CHFR: variants seen among roughly 807,000 people sequenced by gnomAD.
The protein encoded by CHFR is E3 ubiquitin-protein ligase CHFR.
In CHFR, 57 loss-of-function variants were observed where a neutral mutation model predicts 87.6. The ratio of observed to expected loss-of-function variants is 0.65; its 90% CI spans 0.53 to 0.81. CHFR has a LOEUF of 0.81. Among genes scored for constraint, CHFR ranks in the 30% least tolerant of loss-of-function variants. The probability of loss-of-function intolerance (pLI) is 0.00; values close to 1 mark genes in which losing one functional copy is unlikely to be tolerated. For synonymous variants in CHFR, 381 were observed against 359.2 expected, an observed-to-expected ratio of 1.06 and a Z score of -0.69; for missense variants, 797 against 865.8, an observed-to-expected ratio of 0.92 and a Z score of 1.00.
intron 11 of CHFR, 112 bp from the exon 12 acceptor site, chr12:132,851,849 G>C (rs1054380635): frequency 1.5e-6 from 2 of 1,319,408 alleles, no homozygotes; most frequent in African/African-American, 3.0e-5. Flanking sequence ...AGACAGCCGG[G>C]GAAGAAGCAG....
In CHFR at chr12:132,836,656, C is replaced by A. The variant is rs1950648934; in HGVS notation, c.*4898G>T. 2.2e-6 allele frequency: 1 copy of A among 456,004 alleles called. No individual in the cohort carries two copies. Among genetic ancestry groups the A allele is most frequent in the South Asian group, 1.5e-5 (1 of 64,574 alleles). 28.2% of individuals were successfully genotyped at this position (456,004 alleles called of 1,614,324 possible). A position where few individuals can be genotyped will look rare whatever the true frequency, so the allele number is the denominator to read the frequency against. ...CATTCCTTCCACAGACATGCACGAC[C>A]AAGTGTCTGCTCTGTGTGAGGAACT... is the stretch of plus-strand genomic sequence containing the variant. On this transcript the variant is annotated 3_prime_UTR_variant, in exon 18 of 18. Coordinates refer to ENST00000450056, the MANE Select transcript of CHFR (RefSeq NM_001161346.2).
At chr12:132,876,317 A>G (rs1378421987) in intron 3 of CHFR, among the ~76,000 whole-genome samples, 1 of 152,232 alleles carries the variant, frequency 6.6e-6, no homozygotes, top group African/African-American at 2.4e-5. Context: ...TCCAAGTTGA[A>G]TATCCCTAAG....
chr12:132,863,974 G>A lies in CHFR; in HGVS notation c.584-2340C>T, dbSNP rs565226297. Among the ~76,000 whole-genome samples the A allele has an allele frequency of 3.0e-4, 45 of 152,162 alleles. 1 individual carries two copies. The highest frequency in any genetic ancestry group is 2.1e-3 in the Admixed American group (32 of 15,284). ...AGACAGGGTCTTGCCATTTTACCCA[G>A]GCTGGTCTCAAACTCTTGAGCCCAA... On this transcript the variant is annotated intron_variant, in intron 6 of 17. Transcript: ENST00000450056.
rs774495646 is a variant in CHFR, at chr12:132,836,922, ATTTT to A, written c.*4628_*4631del. 95 of 370,038 alleles carry A rather than the reference ATTTT, an allele frequency of 2.6e-4. No individual in the cohort carries two copies. Among genetic ancestry groups the A allele is most frequent in the Non-Finnish European group, 2.7e-4 (50 of 187,302 alleles). The allele number at this position is 370,038 out of a possible 1,614,324, so 22.9% of individuals were successfully genotyped here. Reference sequence around the variant, plus strand: ...GGCAGACAGGCAAGATCCCTGCTCTATTTTTTTGAGAGGGGGAGACAAACGGTAA... The same window carrying A: ...GGCAGACAGGCAAGATCCCTGCTCTATTTGAGAGGGGGAGACAAACGGTAA... On this transcript the variant is annotated 3_prime_UTR_variant, in exon 18 of 18. Transcript: ENST00000450056.
At chr12:132,844,886 G>A (rs941618916) in intron 15 of CHFR, among the ~76,000 whole-genome samples, 3 of 151,874 alleles carry the variant, frequency 2.0e-5, no homozygotes, top group Non-Finnish European at 4.4e-5. Context: ...GCCCGCCTCG[G>A]CTTCCCAAAA....
chr12:132,843,131 CCACT>C, intron 16 of CHFR, 48 bp from the exon 17 acceptor site: 1 of 1,538,284 alleles, frequency 6.5e-7, no homozygotes, highest in Non-Finnish European at 8.9e-7. Flanking sequence ...TTGCACGCAC[CCACT>C]CAGCTACCTG....
intron 3 of CHFR, among the ~76,000 whole-genome samples, chr12:132,873,689 T>C (rs957359538): frequency 2.0e-4 from 30 of 149,572 alleles, no homozygotes; most frequent in African/African-American, 7.1e-4. Flanking sequence ...GCGCTGGAGC[T>C]GGACTGACTT....
Position 132,859,247 on chromosome 12 carries a change from G to A in CHFR, c.752-20C>T, listed in dbSNP as rs1422260236. 12 of 1,603,270 alleles carry A rather than the reference G, an allele frequency of 7.5e-6. No individual in the cohort carries two copies. Among genetic ancestry groups the A allele is most frequent in the Non-Finnish European group, 1.0e-5 (12 of 1,173,602 alleles). On this transcript the variant is annotated intron_variant, in intron 7 of 17. Transcript: ENST00000450056. ...CCCCATCTACAGGAGAAAGGGATGT[G>A]TTCTGTCGTAACCAAGAAGGAAATA...
At chr12:132,843,174 C>G in intron 16 of CHFR, 91 bp from the exon 17 acceptor site, 6 of 1,186,618 alleles carry the variant, frequency 5.1e-6, no homozygotes, top group Non-Finnish European at 7.4e-6. Context: ...ACGACAGACG[C>G]TGCGGTGGAA....
At chr12:132,869,987 T>A (rs1951447448) in intron 5 of CHFR, among the ~76,000 whole-genome samples, 189 bp from the exon 6 acceptor site, 1 of 152,064 alleles carries the variant, frequency 6.6e-6, no homozygotes, top group Admixed American at 6.6e-5. Context: ...GGCAGGTGTA[T>A]CTCCTGAGGT....
At chr12:132,857,027 G>GA (rs2136964389) in intron 9 of CHFR, among the ~76,000 whole-genome samples, 2 of 96,262 alleles carry the variant, frequency 2.1e-5, no homozygotes, top group South Asian at 3.9e-4. Flanking sequence ...CTGGGTGCTG[G>GA]TGGAGGGACC....
chr12:132,846,635 C>T (rs921388558), intron 15 of CHFR, among the ~76,000 whole-genome samples: 7 of 152,116 alleles, frequency 4.6e-5, no homozygotes, highest in African/African-American at 1.7e-4. Context: ...AATTCCAGCA[C>T]TTTGGGAAGC....
chr12:132,861,729 G>A (rs1951214482), intron 6 of CHFR, 95 bp from the exon 7 acceptor site: 2 of 1,175,420 alleles, frequency 1.7e-6, no homozygotes, highest in African/African-American at 3.1e-5. Context: ...CAGTGCAGCT[G>A]GCAGCCTGAG....
At chr12:132,881,624 T>C (rs960530867) in intron 2 of CHFR, among the ~76,000 whole-genome samples, 1 of 152,078 alleles carries the variant, frequency 6.6e-6, no homozygotes, top group African/African-American at 2.4e-5. Flanking sequence ...TCCCAGCACT[T>C]TGGGAGGCCG....
chr12:132,838,853 G>A lies in CHFR; in HGVS notation c.*2701C>T, dbSNP rs1371218105. ...TAAAACACAGCTCCTTACCACACCC[G>A]AGGAGTAACTGCCCTGATCTCCCTG... is the stretch of plus-strand genomic sequence containing the variant. On this transcript the variant is annotated 3_prime_UTR_variant, in exon 18 of 18. Transcript: ENST00000450056. 6.6e-6 allele frequency: 1 copy of A among 152,396 alleles called. No individual in the cohort carries two copies. The highest frequency in any genetic ancestry group is 1.5e-5 in the Non-Finnish European group (1 of 68,148). The allele number at this position is 152,396 out of a possible 1,614,324, so 9.4% of individuals were successfully genotyped here.
intron 10 of CHFR, chr12:132,853,803 C>T (rs1951002851): frequency 1.9e-6 from 1 of 525,550 alleles, no homozygotes; most frequent in Non-Finnish European, 3.3e-6. Flanking sequence ...AGCCCCCACG[C>T]TTTGGAGCCC....
chr12:132,866,353 G>C (rs1472724936), intron 6 of CHFR: 1 of 151,670 alleles, frequency 6.6e-6, no homozygotes, highest in East Asian at 1.9e-4. Context: ...CAACACACTG[G>C]AATGTTACAA....
chr12:132,872,516 T>A (rs545303448), intron 3 of CHFR, 122 bp from the exon 4 acceptor site: 9 of 652,172 alleles, frequency 1.4e-5, no homozygotes, highest in Non-Finnish European at 2.5e-5. Context: ...ATAGGAACAG[T>A]GTAAATACGT....
At position 132,844,045 on chromosome 12, in the gene CHFR, G is replaced by A; in HGVS notation, c.1825C>T (p.Pro609Ser). 6.2e-7 allele frequency: 1 copy of A among 1,612,888 alleles called. No homozygotes were observed. The highest frequency in any genetic ancestry group is 8.5e-7 in the Non-Finnish European group (1 of 1,178,976). The change falls in exon 16 of 18, where the codon CCT becomes TCT. Residue 609 changes from proline to serine, a missense_variant. By Grantham distance (74) the Pro-to-Ser change is moderately conservative. This residue lies in a region of CHFR where 200 missense variants were observed against 264.6 expected (regional missense o/e 0.76). Coordinates refer to ENST00000450056, the MANE Select transcript of CHFR (RefSeq NM_001161346.2). ...TCCTTACCTGGCAACTCGGAAGCAG[G>A]AATGTTCTGCCGATACTGATAGGTC... ...ELTYQYRQNI[P>S]ASELPVAVTS...
Sources: gnomAD v4.1 joint callset for allele counts (sites outside exome capture counted in the v4.1 genomes callset) on GRCh38, gnomAD v4.1.1 for gene constraint, gnomAD v4.1.1 regional missense constraint, MANE v1.5 for transcripts, NCBI Gene and HGNC (gene_info 2026-07-23, HGNC 2026-07-21) for gene names.